The following RBFOX1 variants were observed in gnomAD, a reference collection of about 807,000 sequenced individuals.
The protein encoded by RBFOX1 is RNA binding protein fox-1 homolog 1.
Under a neutral mutation model 57.7 loss-of-function variants are expected in RBFOX1, and 8 were observed. That is an observed-to-expected ratio of 0.14 (90% CI 0.08 to 0.25). The LOEUF is 0.25. Among genes scored for constraint, RBFOX1 ranks in the 10% least tolerant of loss-of-function variants. The pLI, the probability that RBFOX1 is intolerant of heterozygous loss-of-function variation, is 1.00. For synonymous variants in RBFOX1, 326 were observed against 222.4 expected, an observed-to-expected ratio of 1.47 and a Z score of -4.15; for missense variants, 611 against 548.5, an observed-to-expected ratio of 1.11 and a Z score of -1.14.
intron 4 of RBFOX1, among the ~76,000 whole-genome samples, chr16:7,464,596 C>G (rs952436677): frequency 2.0e-5 from 3 of 150,974 alleles, no homozygotes; most frequent in Non-Finnish European, 2.9e-5. Flanking sequence ...TCCATTTCGT[C>G]TTCTGTTAAA....
intron 4 of RBFOX1, among the ~76,000 whole-genome samples, chr16:7,421,211 G>C (rs966696234): frequency 6.6e-6 from 1 of 151,116 alleles, no homozygotes; most frequent in African/African-American, 2.4e-5. Context: ...GTGAAATGAA[G>C]TAGACATGGG....
chr16:7,688,029 A>AT, intron 14 of RBFOX1, among the ~76,000 whole-genome samples: 2 of 152,054 alleles, frequency 1.3e-5, no homozygotes, highest in Non-Finnish European at 2.9e-5. Flanking sequence ...TATTTATTAA[A>AT]AAACAAAGTA....
intron 2 of RBFOX1, among the ~76,000 whole-genome samples, chr16:6,565,865 T>C (rs1428600217): frequency 6.6e-6 from 1 of 152,232 alleles, no homozygotes; most frequent in Non-Finnish European, 1.5e-5. Context: ...TAAGACAGGC[T>C]ATGCTGTAGT....
chr16:7,495,746 G>T (rs971503101), intron 4 of RBFOX1, among the ~76,000 whole-genome samples: 4 of 151,960 alleles, frequency 2.6e-5, no homozygotes, highest in Non-Finnish European at 5.9e-5. Flanking sequence ...CTACACATTG[G>T]GTACAGTACA....
chr16:6,824,184 C>G (rs573323508), intron 3 of RBFOX1, among the ~76,000 whole-genome samples: 6 of 152,218 alleles, frequency 3.9e-5, no homozygotes, highest in Non-Finnish European at 7.3e-5. Context: ...GCGGGTGGAT[C>G]ACCTGAGGTC....
At chr16:7,363,720 G>A (rs1442904622) in intron 4 of RBFOX1, among the ~76,000 whole-genome samples, 1 of 152,068 alleles carries the variant, frequency 6.6e-6, no homozygotes, top group Non-Finnish European at 1.5e-5. Flanking sequence ...TTTTGCTTAC[G>A]GCTAAGTACA....
intron 3 of RBFOX1, among the ~76,000 whole-genome samples, chr16:6,937,617 T>TTGG (rs1388656411): frequency 6.6e-6 from 1 of 151,970 alleles, no homozygotes; most frequent in East Asian, 1.9e-4. Flanking sequence ...GAGATTTACA[T>TTGG]TGGTTCGGTC....
intron 2 of RBFOX1, among the ~76,000 whole-genome samples, chr16:6,363,920 A>G (rs574404549): frequency 6.6e-6 from 1 of 152,224 alleles, no homozygotes; most frequent in South Asian, 2.1e-4. Context: ...GAATATAACT[A>G]TGTAATCATA....
At chr16:5,723,476 C>A (rs4416015) in intron 3 of RBFOX1, among the ~76,000 whole-genome samples, 3,718 of 64,636 alleles carry the variant, frequency 0.058, 475 homozygotes, top group African/African-American at 0.3. Flanking sequence ...AGCCCACAGG[C>A]AACTGTGGAT....
intron 3 of RBFOX1, among the ~76,000 whole-genome samples, chr16:6,927,587 T>C (rs142311452): frequency 9.8e-4 from 149 of 152,204 alleles, no homozygotes; most frequent in African/African-American, 3.5e-3. Flanking sequence ...CTGTGTCCTG[T>C]GTGCCTGGAA....
intron 1 of RBFOX1, among the ~76,000 whole-genome samples, chr16:5,343,576 C>G (rs960963530): frequency 6.6e-6 from 1 of 152,156 alleles, no homozygotes; most frequent in Admixed American, 6.5e-5. Context: ...CTGCCTTGGC[C>G]TCCCAAAGTG....
intron 12 of RBFOX1, among the ~76,000 whole-genome samples, chr16:7,657,768 G>T (rs574263773): frequency 1.6e-4 from 24 of 152,248 alleles, no homozygotes; most frequent in Non-Finnish European, 2.9e-4. Context: ...CATTCCTCCA[G>T]GGGTAGGGAA....
intron 4 of RBFOX1, among the ~76,000 whole-genome samples, chr16:7,285,801 A>G (rs1159463841): frequency 2.0e-5 from 3 of 152,238 alleles, no homozygotes; most frequent in Admixed American, 6.5e-5. Flanking sequence ...CATCTGGACT[A>G]ACTCCTGGAT....
chr16:5,971,867 A>C (rs2152299935), intron 4 of RBFOX1, among the ~76,000 whole-genome samples: 1 of 152,328 alleles, frequency 6.6e-6, no homozygotes, highest in South Asian at 2.1e-4. Context: ...TTATGTCAGT[A>C]GACTGAGTAA....
chr16:6,100,087 A>G (rs1461370522), intron 1 of RBFOX1, among the ~76,000 whole-genome samples: 1 of 152,196 alleles, frequency 6.6e-6, no homozygotes, highest in East Asian at 1.9e-4. Flanking sequence ...GGGATGCTCT[A>G]AAGTAGTCAA....
intron 5 of RBFOX1, among the ~76,000 whole-genome samples, chr16:7,537,889 C>T (rs749346603): frequency 3.9e-5 from 6 of 152,146 alleles, no homozygotes; most frequent in African/African-American, 1.4e-4. Context: ...AGGGGAAATC[C>T]GTGGTATTTT....
chr16:6,547,692 A>G (rs1006627702), intron 2 of RBFOX1, among the ~76,000 whole-genome samples: 1 of 152,104 alleles, frequency 6.6e-6, no homozygotes, highest in African/African-American at 2.4e-5. Context: ...AAGATAGCTG[A>G]TCTTTGTAAA....
intron 14 of RBFOX1, among the ~76,000 whole-genome samples, chr16:7,702,508 C>T (rs2081079891): frequency 6.6e-6 from 1 of 152,194 alleles, no homozygotes; most frequent in Admixed American, 6.5e-5. Flanking sequence ...AGTTGGAAAA[C>T]ATAAATGCCC....
At chr16:7,539,392 C>G (rs2082315272) in intron 5 of RBFOX1, among the ~76,000 whole-genome samples, 2 of 152,042 alleles carry the variant, frequency 1.3e-5, no homozygotes, top group South Asian at 4.1e-4. Context: ...CTCTCTATTC[C>G]CAGTGCAGCT....
Sources: allele counts gnomAD v4.1 joint callset (sites outside exome capture counted in the v4.1 genomes callset), GRCh38; gene constraint gnomAD v4.1.1; transcripts MANE v1.5; gene names NCBI Gene and HGNC (gene_info 2026-07-23, HGNC 2026-07-21).